The following MYO6 variants were observed in gnomAD, a reference collection of about 807,000 sequenced individuals.
MYO6 encodes myosin VI, also known as unconventional myosin-VI.
MYO6 carries 74 observed loss-of-function variants against 178.7 expected under a neutral mutation model. The observed-to-expected ratio is 0.41, with a 90% CI of 0.34 to 0.50. MYO6 has a LOEUF of 0.50. Among genes scored for constraint, MYO6 ranks in the 20% least tolerant of loss-of-function variants. MYO6 has a pLI of 0.09. For missense variants in MYO6, 1,330 were observed against 1,547.4 expected, an observed-to-expected ratio of 0.86 and a Z score of 2.36; for synonymous variants, 477 against 504.6, an observed-to-expected ratio of 0.95 and a Z score of 0.73.
chr6:75,825,533 C>T (rs1043357375), intron 3 of MYO6, among the ~76,000 whole-genome samples: 4 of 152,164 alleles, frequency 2.6e-5, no homozygotes, highest in Admixed American at 2.0e-4. Flanking sequence ...GCGGAGATTG[C>T]AGTGAGCCGA....
chr6:75,845,036 T>C, intron 10 of MYO6, 59 bp downstream of exon 10: 2 of 1,376,994 alleles, frequency 1.5e-6, no homozygotes, highest in Non-Finnish European at 2.1e-6. Flanking sequence ...TGCTGAAAGA[T>C]GTGTTATAAT....
intron 1 of MYO6, among the ~76,000 whole-genome samples, chr6:75,776,648 C>T (rs1000718704): frequency 3.9e-5 from 5 of 127,524 alleles, no homozygotes; most frequent in South Asian, 2.6e-4. Context: ...CTTGTAGAAA[C>T]GTGCAGTGTG....
At chr6:75,857,351 C>A in intron 13 of MYO6, 97 bp downstream of exon 13, 1 of 1,237,930 alleles carries the variant, frequency 8.1e-7, no homozygotes, top group Non-Finnish European at 1.2e-6. Flanking sequence ...ACTCATTTTA[C>A]TTGATGTATG....
chr6:75,889,965 C>G, intron 25 of MYO6, 92 bp from the exon 26 acceptor site: 1 of 866,536 alleles, frequency 1.2e-6, no homozygotes. Context: ...AGCCATTTTT[C>G]AGTTTATAAT....
At chr6:75,821,648 C>A (rs1443302141) in intron 2 of MYO6, among the ~76,000 whole-genome samples, 1 of 152,066 alleles carries the variant, frequency 6.6e-6, no homozygotes, top group Non-Finnish European at 1.5e-5. Flanking sequence ...CAAACACACA[C>A]ACACACACCC....
chr6:75,890,655 A>C (rs577249721), intron 26 of MYO6, among the ~76,000 whole-genome samples: 30 of 152,196 alleles, frequency 2.0e-4, no homozygotes, highest in Non-Finnish European at 4.1e-4. Context: ...GACAATTCTT[A>C]AAACTGTGTT....
At chr6:75,869,884 C>T (rs1040267518) in intron 18 of MYO6, among the ~76,000 whole-genome samples, 1 of 151,978 alleles carries the variant, frequency 6.6e-6, no homozygotes, top group Non-Finnish European at 1.5e-5. Context: ...GAGGCTGAGG[C>T]GTGTGGATCA....
At position 75,915,216 on chromosome 6, in the gene MYO6, G is replaced by A. The variant is rs1026868014; in HGVS notation, c.*204G>A. The A allele has an allele frequency of 3.4e-6, 2 of 595,258 alleles. No homozygotes were observed. Among genetic ancestry groups the A allele is most frequent in the African/African-American group, 3.7e-5 (2 of 53,734 alleles). The allele number at this position is 595,258 out of a possible 1,614,324, so 36.9% of individuals were successfully genotyped here. A position where few individuals can be genotyped will look rare whatever the true frequency, so the allele number is the denominator to read the frequency against. ...CCTAAACATTATTTTTCTGTATCCC[G>A]CTGTAATTCCCAAAACTCTCATTAT... On this transcript the variant is annotated 3_prime_UTR_variant, in exon 35 of 35. Coordinates refer to ENST00000369977, the MANE Select transcript of MYO6 (RefSeq NM_004999.4).
chr6:75,878,006 A>C (rs1198852329), intron 20 of MYO6, among the ~76,000 whole-genome samples: 1 of 152,192 alleles, frequency 6.6e-6, no homozygotes, highest in Non-Finnish European at 1.5e-5. Context: ...GATACTAACC[A>C]AACTTTACTT....
intron 1 of MYO6, among the ~76,000 whole-genome samples, chr6:75,753,455 G>GTATATA (rs58108910): frequency 4.1e-4 from 58 of 140,058 alleles, no homozygotes; most frequent in East Asian, 1.2e-3. Flanking sequence ...GTGTGTGTGT[G>GTATATA]TATATATATA....
chr6:75,882,904 C>T (rs765895850), intron 23 of MYO6, among the ~76,000 whole-genome samples: 14 of 152,126 alleles, frequency 9.2e-5, no homozygotes, highest in African/African-American at 1.4e-4. Flanking sequence ...CTGCAGTCAT[C>T]TGAAATACTG....
chr6:75,784,769 T>G (rs1767354846), intron 1 of MYO6, among the ~76,000 whole-genome samples: 1 of 100,004 alleles, frequency 1.0e-5, no homozygotes, highest in African/African-American at 4.5e-5. Flanking sequence ...AGAGTGAGAC[T>G]CCGTCTCAAA....
intron 10 of MYO6, 70 bp from the exon 11 acceptor site, chr6:75,848,281 C>T: frequency 7.3e-7 from 1 of 1,365,742 alleles, no homozygotes; most frequent in Non-Finnish European, 1.0e-6. Context: ...CATTAATTGA[C>T]CTGGTGTAGT....
intron 1 of MYO6, among the ~76,000 whole-genome samples, chr6:75,778,179 A>G (rs749311722): frequency 1.3e-5 from 2 of 152,182 alleles, no homozygotes; most frequent in African/African-American, 2.4e-5. Context: ...ATTGTCTTCT[A>G]TATTTTATGG....
At chr6:75,775,857 A>G (rs1766333024) in intron 1 of MYO6, among the ~76,000 whole-genome samples, 1 of 152,212 alleles carries the variant, frequency 6.6e-6, no homozygotes, top group Admixed American at 6.5e-5. Context: ...TGTTCCTAAT[A>G]TGAGTAATTA....
chr6:75,786,412 T>G (rs796760293), intron 1 of MYO6, among the ~76,000 whole-genome samples: 19 of 152,312 alleles, frequency 1.2e-4, no homozygotes, highest in African/African-American at 3.8e-4. Flanking sequence ...GCTTGTCAAG[T>G]TCCTGGAAGA....
At chr6:75,756,975 A>ATATATGTATACACACATATAT (rs1437498094) in intron 1 of MYO6, among the ~76,000 whole-genome samples, 2 of 23,630 alleles carry the variant, frequency 8.5e-5, no homozygotes, top group Non-Finnish European at 2.4e-4. Flanking sequence ...ACACATATAT[A>ATATATGTATACACACATATAT]GTGTGTATAT....
chr6:75,868,715 G>A (rs553636769), intron 18 of MYO6, among the ~76,000 whole-genome samples: 10 of 152,062 alleles, frequency 6.6e-5, no homozygotes, highest in African/African-American at 2.4e-4. Context: ...TAAAATTGAA[G>A]TATATAAGGC....
chr6:75,896,863 A>G (rs765969389), intron 29 of MYO6, among the ~76,000 whole-genome samples: 5 of 152,268 alleles, frequency 3.3e-5, no homozygotes, highest in East Asian at 1.9e-4. Context: ...CTTGAATTAA[A>G]TAAGCCCGCA....
Sources: gnomAD v4.1 joint callset for allele counts (sites outside exome capture counted in the v4.1 genomes callset) on GRCh38, gnomAD v4.1.1 for gene constraint, MANE v1.5 for transcripts, NCBI Gene and HGNC (gene_info 2026-07-23, HGNC 2026-07-21) for gene names.